Variants in STK39 observed in about 807,000 individuals in gnomAD.
The protein encoded by STK39 is serine/threonine kinase 39, also known as STE20/SPS1-related proline-alanine-rich protein kinase.
A neutral mutation model predicts 77.8 loss-of-function variants in STK39; 20 were observed. That is an observed-to-expected ratio of 0.26 (90% CI 0.18 to 0.37). STK39 has a LOEUF of 0.37. Ranked by LOEUF, STK39 falls within the 10% of genes least tolerant of loss-of-function variation. The pLI is 1.00. For missense variants in STK39, 479 were observed against 656.5 expected (o/e 0.73, Z 2.95); for synonymous variants, 246 against 234.1 (o/e 1.05, Z -0.47).
chr2:168,041,505 C>T (rs560006138), intron 14 of STK39, among the ~76,000 whole-genome samples: 1 of 151,954 alleles, frequency 6.6e-6, no homozygotes, highest in Admixed American at 6.6e-5. Flanking sequence ...CCCAAAGTTC[C>T]TTCTCTACAG....
Position 168,149,947 on chromosome 2 carries a change from C to T in STK39, c.629-9189G>A, listed in dbSNP as rs75847762. 2.3e-3 allele frequency among the ~76,000 whole-genome samples: 350 copies of T among 152,252 alleles called. 2 individuals carry two copies. Among genetic ancestry groups the T allele is most frequent in the African/African-American group, 8.0e-3 (333 of 41,530 alleles). The stretch of plus-strand genomic sequence containing the variant: ...GGAAAATAGGAAACAGAAGTAAGTT[C>T]GACATCCTAGTCTAGACCCTTGTAA... On this transcript the variant is annotated intron_variant, in intron 5 of 17. Coordinates refer to ENST00000355999, the MANE Select transcript of STK39 (RefSeq NM_013233.3).
At chr2:168,037,910 T>C (rs938487840) in intron 14 of STK39, among the ~76,000 whole-genome samples, 1 of 152,112 alleles carries the variant, frequency 6.6e-6, no homozygotes, top group Admixed American at 6.5e-5. Context: ...TAAGATCCAC[T>C]AATATTTGAA....
chr2:168,209,866 G>A (rs1373117281), intron 1 of STK39, among the ~76,000 whole-genome samples: 1 of 151,958 alleles, frequency 6.6e-6, no homozygotes, highest in Non-Finnish European at 1.5e-5. Flanking sequence ...AGGCGTGGTG[G>A]CAGGCGTCTA....
chr2:168,050,590 A>C (rs1685368767), intron 14 of STK39, among the ~76,000 whole-genome samples: 1 of 152,186 alleles, frequency 6.6e-6, no homozygotes, highest in South Asian at 2.1e-4. Context: ...AGAGATGTTA[A>C]GCTGCTGGCT....
At chr2:168,092,622 G>A (rs1459443254) in intron 10 of STK39, among the ~76,000 whole-genome samples, 1 of 152,190 alleles carries the variant, frequency 6.6e-6, no homozygotes, top group East Asian at 1.9e-4. Flanking sequence ...AGATAGAGGA[G>A]AACAGGTATT....
intron 10 of STK39, among the ~76,000 whole-genome samples, chr2:168,086,560 A>G (rs2105425256): frequency 6.6e-6 from 1 of 152,358 alleles, no homozygotes; most frequent in African/African-American, 2.4e-5. Flanking sequence ...GAATGAGGAT[A>G]TGAAAAAGTT....
intron 16 of STK39, among the ~76,000 whole-genome samples, chr2:167,977,405 G>A (rs1460492625): frequency 2.6e-5 from 4 of 152,130 alleles, no homozygotes; most frequent in African/African-American, 7.2e-5. Flanking sequence ...AGCTTACAGA[G>A]GTGATGTACT....
intron 10 of STK39, among the ~76,000 whole-genome samples, chr2:168,101,654 C>A (rs1686830354): frequency 6.6e-6 from 1 of 152,228 alleles, no homozygotes; most frequent in African/African-American, 2.4e-5. Context: ...ACATTAATTG[C>A]TTGAACCTGG....
intron 8 of STK39, among the ~76,000 whole-genome samples, chr2:168,133,488 G>A (rs960096238): frequency 2.0e-5 from 3 of 152,146 alleles, no homozygotes; most frequent in Admixed American, 6.5e-5. Context: ...CAGCTGAAGT[G>A]TTTATCACTT....
At chr2:168,111,337 T>G (rs1687115012) in intron 10 of STK39, among the ~76,000 whole-genome samples, 1 of 152,252 alleles carries the variant, frequency 6.6e-6, no homozygotes, top group Non-Finnish European at 1.5e-5. Context: ...TCATTTTCCA[T>G]CTTCCTGAAA....
At chr2:168,118,602 CAAAA>C (rs35533319) in intron 10 of STK39, among the ~76,000 whole-genome samples, 65 of 119,338 alleles carry the variant, frequency 5.4e-4, no homozygotes, top group Admixed American at 7.9e-4. Flanking sequence ...CATATGCTTT[CAAAA>C]AAAAAAAAAA....
At chr2:167,964,500 T>A in intron 17 of STK39, 162 bp downstream of exon 17, 1 of 628,214 alleles carries the variant, frequency 1.6e-6, no homozygotes, top group Non-Finnish European at 2.7e-6. Flanking sequence ...CAGAAAACGT[T>A]CCCTAACGCT....
intron 14 of STK39, among the ~76,000 whole-genome samples, chr2:168,049,303 C>A (rs371433818): frequency 4.4e-4 from 67 of 152,272 alleles, no homozygotes; most frequent in African/African-American, 1.5e-3. Context: ...TCTGAGTGAA[C>A]AAAAGTCCTG....
chr2:167,969,675 A>G (rs1057308034), intron 16 of STK39, among the ~76,000 whole-genome samples: 6 of 152,184 alleles, frequency 3.9e-5, no homozygotes, highest in African/African-American at 9.7e-5. Context: ...ATGACTTCTC[A>G]CCACCTCCGC....
intron 12 of STK39, among the ~76,000 whole-genome samples, chr2:168,069,022 T>C (rs561215677): frequency 2.0e-5 from 3 of 152,336 alleles, no homozygotes; most frequent in Non-Finnish European, 2.9e-5. Context: ...GTTCAAGCGA[T>C]TCTCCTGCCT....
At chr2:168,066,066 A>G (rs1685786559) in intron 12 of STK39, among the ~76,000 whole-genome samples, 1 of 152,214 alleles carries the variant, frequency 6.6e-6, no homozygotes, top group Admixed American at 6.5e-5. Flanking sequence ...GAGAAACAGC[A>G]ATGAAAATGA....
chr2:168,112,185 T>A (rs1399101361), intron 10 of STK39, among the ~76,000 whole-genome samples: 1 of 151,448 alleles, frequency 6.6e-6, no homozygotes, highest in Non-Finnish European at 1.5e-5. Flanking sequence ...CTATTAAAAA[T>A]CCATTCAATC....
rs953793024 is a variant in STK39, at chr2:168,194,109, G to A, written c.209-12019C>T. ...AATAATTCAGAAATGTATGTGTATC[G>A]GGCTATTCAAAAATGAAGATTTGGC... On this transcript the variant is annotated intron_variant, in intron 1 of 17. Transcript: ENST00000355999. Among the ~76,000 whole-genome samples the A allele has an allele frequency of 2.0e-5, 3 of 152,088 alleles. No individual in the cohort carries two copies. In the East Asian group the frequency reaches 5.8e-4, roughly 29 times the overall value.
At chr2:168,210,605 C>T (rs1419769141) in intron 1 of STK39, among the ~76,000 whole-genome samples, 4 of 152,146 alleles carry the variant, frequency 2.6e-5, no homozygotes, top group South Asian at 4.1e-4. Flanking sequence ...CTGCAACCTC[C>T]GCCTCCTGGG....
Sources: gnomAD v4.1 joint callset for allele counts (sites outside exome capture counted in the v4.1 genomes callset) on GRCh38, gnomAD v4.1.1 for gene constraint, MANE v1.5 for transcripts, NCBI Gene and HGNC (gene_info 2026-07-23, HGNC 2026-07-21) for gene names.